The following STK3 variants were observed in gnomAD, a reference collection of about 807,000 sequenced individuals.
STK3 encodes the protein serine/threonine kinase 3.
Under a neutral mutation model 58.0 loss-of-function variants are expected in STK3, and 41 were observed. The ratio of observed to expected loss-of-function variants is 0.71; its 90% CI spans 0.55 to 0.92. The LOEUF (loss-of-function observed/expected upper bound fraction) is 0.92. Ranked by LOEUF, STK3 falls within the 40% of genes least tolerant of loss-of-function variation. The probability of loss-of-function intolerance (pLI) is 0.00; values close to 1 mark genes in which losing one functional copy is unlikely to be tolerated. For synonymous variants in STK3, 170 were observed against 191.0 expected, an observed-to-expected ratio of 0.89 and a Z score of 0.91; for missense variants, 479 against 602.7, an observed-to-expected ratio of 0.79 and a Z score of 2.15.
chr8:98,698,746 T>C (rs2131011710), intron 6 of STK3, among the ~76,000 whole-genome samples: 1 of 152,318 alleles, frequency 6.6e-6, no homozygotes, highest in East Asian at 1.9e-4. Flanking sequence ...GTTAGTCTGA[T>C]GGGCTTCCCT....
At chr8:98,627,512 A>G (rs1818821039) in intron 6 of STK3, among the ~76,000 whole-genome samples, 1 of 151,270 alleles carries the variant, frequency 6.6e-6, no homozygotes, top group Admixed American at 6.6e-5. Context: ...AAAAAAAAAA[A>G]AGGTCTGGTT....
chr8:98,364,687 C>A, the STK3 span, among the ~76,000 whole-genome samples: 1 of 152,194 alleles, frequency 6.6e-6, no homozygotes, highest in East Asian at 1.9e-4. Flanking sequence ...CAGATTCGTT[C>A]TCTGCCCTCC....
intron 4 of STK3, among the ~76,000 whole-genome samples, chr8:98,745,749 A>G (rs1829597658): frequency 6.6e-6 from 1 of 152,166 alleles, no homozygotes; most frequent in African/African-American, 2.4e-5. Context: ...GAAGCCCTAT[A>G]ATGCCAAAGG....
chr8:98,701,038 G>A (rs1825559095), intron 6 of STK3, among the ~76,000 whole-genome samples: 1 of 152,038 alleles, frequency 6.6e-6, no homozygotes, highest in Non-Finnish European at 1.5e-5. Context: ...GTGTAGTGGT[G>A]TGCACCTGTA....
chr8:98,494,919 G>A (rs1335588373), intron 10 of STK3, among the ~76,000 whole-genome samples: 1 of 152,160 alleles, frequency 6.6e-6, no homozygotes, highest in Non-Finnish European at 1.5e-5. Flanking sequence ...AGAAGGTTCA[G>A]CTTTGTGCTT....
intron 2 of STK3, among the ~76,000 whole-genome samples, chr8:98,373,029 C>A (rs1296329302): frequency 6.6e-6 from 1 of 152,032 alleles, no homozygotes; most frequent in Non-Finnish European, 1.5e-5. Flanking sequence ...GGAATTTCAC[C>A]ATGAATTAAA....
intron 6 of STK3, among the ~76,000 whole-genome samples, chr8:98,695,677 G>C (rs1824846409): frequency 6.6e-6 from 1 of 152,098 alleles, no homozygotes; most frequent in South Asian, 2.1e-4. Context: ...CATTATTTCT[G>C]AGGGCTCTGC....
chr8:98,446,163 A>G (rs1489460636), intron 1 of STK3, among the ~76,000 whole-genome samples: 1 of 152,184 alleles, frequency 6.6e-6, no homozygotes, highest in African/African-American at 2.4e-5. Flanking sequence ...CCTGCCTTAC[A>G]TGCCTCAAGA....
chr8:98,408,957 C>T (rs1818027023), intron 3 of STK3, among the ~76,000 whole-genome samples: 1 of 152,146 alleles, frequency 6.6e-6, no homozygotes. Context: ...AAGAAAACGT[C>T]CCCTGTTGCT....
intron 6 of STK3, among the ~76,000 whole-genome samples, chr8:98,615,387 T>G (rs2130286392): frequency 6.6e-6 from 1 of 151,390 alleles, no homozygotes; most frequent in East Asian, 2.0e-4. Flanking sequence ...AACTGGAAAC[T>G]CTAAAACACA....
chr8:98,643,218 T>C (rs1162862528), intron 6 of STK3, among the ~76,000 whole-genome samples: 3 of 151,926 alleles, frequency 2.0e-5, no homozygotes, highest in African/African-American at 7.3e-5. Context: ...GACAGAGAGC[T>C]CAAAAAATAA....
intron 1 of STK3, among the ~76,000 whole-genome samples, chr8:98,444,707 T>C (rs1818862198): frequency 6.6e-6 from 1 of 152,220 alleles, no homozygotes; most frequent in Admixed American, 6.5e-5. Flanking sequence ...TTTGGTCATG[T>C]TGAACTTGAG....
chr8:98,592,945 G>A (rs553917022), intron 7 of STK3, among the ~76,000 whole-genome samples: 9 of 151,930 alleles, frequency 5.9e-5, no homozygotes, highest in South Asian at 2.1e-4. Flanking sequence ...TGTATTTTTC[G>A]TATAGACGGG....
intron 1 of STK3, among the ~76,000 whole-genome samples, chr8:98,381,577 C>A (rs1382725115): frequency 6.6e-6 from 1 of 152,200 alleles, no homozygotes; most frequent in African/African-American, 2.4e-5. Context: ...GGTGGGAAAC[C>A]ACAGGGTTGG....
At chr8:98,620,412 C>G (rs1257217474) in intron 6 of STK3, among the ~76,000 whole-genome samples, 18 of 141,754 alleles carry the variant, frequency 1.3e-4, no homozygotes, top group African/African-American at 3.1e-4. Context: ...CACATGTATA[C>G]ATATGTAACT....
intron 10 of STK3, among the ~76,000 whole-genome samples, chr8:98,498,824 A>G (rs775415344): frequency 2.0e-5 from 3 of 152,048 alleles, no homozygotes; most frequent in East Asian, 1.9e-4. Flanking sequence ...CTTCTCCCCA[A>G]TCTCTCAATG....
chr8:98,400,714 T>G (rs1817933642), downstream of STK3, among the ~76,000 whole-genome samples: 1 of 152,234 alleles, frequency 6.6e-6, no homozygotes, highest in South Asian at 2.1e-4. Context: ...TCTTCATCCA[T>G]GTTCTTCTAA....
At chr8:98,656,669 G>A (rs1256686040) in intron 6 of STK3, among the ~76,000 whole-genome samples, 8 of 151,856 alleles carry the variant, frequency 5.3e-5, no homozygotes, top group East Asian at 1.9e-4. Flanking sequence ...ATTAATTAGT[G>A]CGTCCTTTTT....
At chr8:98,869,025 AGGAAGGAAGGAAGG>A (rs1228895453) in intron 3 of STK3, among the ~76,000 whole-genome samples, 1 of 42,480 alleles carries the variant, frequency 2.4e-5, no homozygotes, top group Non-Finnish European at 5.3e-5. Context: ...AAAGGAAAGA[AGGAAGGAAGGAAGG>A]AAGGAAGGAA....
Sources: gnomAD v4.1 joint callset for allele counts (sites outside exome capture counted in the v4.1 genomes callset) on GRCh38, gnomAD v4.1.1 for gene constraint, MANE v1.5 for transcripts, NCBI Gene and HGNC (gene_info 2026-07-23, HGNC 2026-07-21) for gene names.